ABCC3: variants seen among roughly 807,000 people sequenced by gnomAD.
ABCC3 encodes the protein ATP-binding cassette sub-family C member 3.
In ABCC3, 121 loss-of-function variants were observed where a neutral mutation model predicts 165.3. The observed-to-expected ratio is 0.73, with a 90% CI of 0.63 to 0.85. ABCC3 has a LOEUF of 0.85. Among genes scored for constraint, ABCC3 ranks in the 40% least tolerant of loss-of-function variants. The pLI, the probability that ABCC3 is intolerant of heterozygous loss-of-function variation, is 0.00. For missense variants in ABCC3, 1,869 were observed against 1,964.1 expected (o/e 0.95, Z 0.92); for synonymous variants, 733 against 810.1 (o/e 0.90, Z 1.62).
intron 19 of ABCC3, among the ~76,000 whole-genome samples, chr17:50,673,903 T>TCTTTCTTC (rs1491282967): frequency 2.1e-3 from 20 of 9,518 alleles, no homozygotes; most frequent in African/African-American, 0.011. Flanking sequence ...GAGCCTGTTT[T>TCTTTCTTC]CTTTCTTTCT....
rs201792088 is a variant in ABCC3 at position 50,675,408 on chromosome 17, A to G, written c.2646A>G (p.Thr882=). 2 of 1,614,014 alleles carry G rather than the reference A, an allele frequency of 1.2e-6. No individual in the cohort carries two copies. Among genetic ancestry groups the G allele is most frequent in the Non-Finnish European group, 1.7e-6 (2 of 1,179,968 alleles). The change falls in exon 20 of 31, where the codon ACA becomes ACG. Residue 882 remains threonine (T), a synonymous_variant. Transcript: ENST00000285238. The part of the protein sequence containing the change: ...EDKEALLIED[T]LSNHTDLTDN... ...AGGAGGCACTGCTGATTGAAGACAC[A>G]CTCAGCAACCACACGGATCTGACAG...
chr17:50,635,114 GGAGGGGGCGA>G, intron 1 of ABCC3, 133 bp downstream of exon 1: 1 of 1,024,506 alleles, frequency 9.8e-7, no homozygotes, highest in Non-Finnish European at 1.3e-6. Context: ...TGGGCGCCCG[GGAGGGGGCGA>G]TGGGCTCGGG....
At chr17:50,658,243 C>T in intron 5 of ABCC3, 36 bp downstream of exon 5, 1 of 1,614,032 alleles carries the variant, frequency 6.2e-7, no homozygotes, top group South Asian at 1.1e-5. Flanking sequence ...GGCTCCACAG[C>T]TGAGTCCTCA....
Position 50,669,539 on chromosome 17 carries a change from C to T in ABCC3, c.2241+11C>T, listed in dbSNP as rs999646948. 15 of 1,612,966 alleles carry T rather than the reference C, an allele frequency of 9.3e-6. No individual in the cohort carries two copies. The highest frequency in any genetic ancestry group is 1.2e-5 in the Non-Finnish European group (14 of 1,179,176). ...GAGATTGGAGAGAAGGTACAGAGTC[C>T]TCTTCCATCCCTAAGAGGCTAGGGC... On this transcript the variant is annotated intron_variant, in intron 17 of 30. Transcript: ENST00000285238.
intron 30 of ABCC3, among the ~76,000 whole-genome samples, chr17:50,688,114 T>G (rs1220004866): frequency 6.6e-6 from 1 of 152,052 alleles, no homozygotes; most frequent in Non-Finnish European, 1.5e-5. Flanking sequence ...TTCACCATGT[T>G]GGCCAGGCTG....
chr17:50,646,915 T>G (rs1967011840), intron 1 of ABCC3, among the ~76,000 whole-genome samples: 1 of 152,238 alleles, frequency 6.6e-6, no homozygotes, highest in African/African-American at 2.4e-5. Context: ...AGTCTCCCTC[T>G]GTCACCAGGC....
chr17:50,673,975 T>TCCTTCCTTCCTTCCTTCCTTC (rs1567835544), intron 19 of ABCC3, among the ~76,000 whole-genome samples: 7 of 12,270 alleles, frequency 5.7e-4, no homozygotes, highest in East Asian at 1.6e-3. Flanking sequence ...TTTCTTTCTT[T>TCCTTCCTTCCTTCCTTCCTTC]CTTTCTCTCT....
intron 1 of ABCC3, among the ~76,000 whole-genome samples, chr17:50,643,831 T>G (rs1966935214): frequency 2.1e-5 from 3 of 145,914 alleles, no homozygotes; most frequent in East Asian, 2.0e-4. Context: ...GGAAAGGAGG[T>G]GGGAGGAGAT....
intron 11 of ABCC3, among the ~76,000 whole-genome samples, chr17:50,666,126 A>G (rs1336543939): frequency 6.6e-6 from 1 of 152,084 alleles, no homozygotes; most frequent in Non-Finnish European, 1.5e-5. Flanking sequence ...AATGCTTGTC[A>G]TCCCCCTCTT....
rs181809851 is a variant in ABCC3 at position 50,650,880 on chromosome 17, C to T, written c.46-4952C>T. Among the ~76,000 whole-genome samples the T allele has an allele frequency of 3.9e-5, 6 of 152,014 alleles. No homozygotes were observed. The East Asian group carries it at 7.8e-4, about 20-fold the overall frequency. ...AGAAGTTCAAGACCGGCCTGGCTGACATGCTGAAACCCTGTCTCTATTAAA... is the reference window on the plus strand; with the variant it reads ...AGAAGTTCAAGACCGGCCTGGCTGATATGCTGAAACCCTGTCTCTATTAAA... On this transcript the variant is annotated intron_variant, in intron 1 of 30. Transcript: ENST00000285238.
At chr17:50,655,518 A>G (rs184202680) in intron 1 of ABCC3, among the ~76,000 whole-genome samples, 298 of 152,174 alleles carry the variant, frequency 2.0e-3, no homozygotes, top group African/African-American at 6.3e-3. Flanking sequence ...ACATGGGAGC[A>G]GTTTTGCAGG....
At chr17:50,656,043 G>A (rs1341602940) in intron 2 of ABCC3, 35 bp downstream of exon 2, 17 of 1,452,272 alleles carry the variant, frequency 1.2e-5, no homozygotes, top group Non-Finnish European at 1.5e-5. Flanking sequence ...CGATGGGGCT[G>A]GGCCCTGGGG....
chr17:50,655,410 A>AAAAC (rs1325293001), intron 1 of ABCC3, among the ~76,000 whole-genome samples: 8 of 148,642 alleles, frequency 5.4e-5, no homozygotes, highest in African/African-American at 1.7e-4. Context: ...GTCTCAAAAA[A>AAAAC]AAAAAAAAAA....
chr17:50,673,979 T>TCTTTCCTTCCTTCCTTC (rs1967725299), intron 19 of ABCC3, among the ~76,000 whole-genome samples: 3 of 1,874 alleles, frequency 1.6e-3, no homozygotes, highest in Non-Finnish European at 4.1e-3. Flanking sequence ...TTTCTTTCTT[T>TCTTTCCTTCCTTCCTTC]CTCTCTCTCT....
chr17:50,643,706 G>T (rs1343850271), intron 1 of ABCC3: 17 of 445,614 alleles, frequency 3.8e-5, no homozygotes, highest in Middle Eastern at 3.3e-4. Context: ...GAGTGGTTAG[G>T]TTAGGATTTT....
chr17:50,683,235 G>C (rs1872851525), intron 26 of ABCC3, among the ~76,000 whole-genome samples: 1 of 151,412 alleles, frequency 6.6e-6, no homozygotes, highest in Non-Finnish European at 1.5e-5. Flanking sequence ...GCCAGGCATG[G>C]TGGCATGTGC....
chr17:50,648,881 G>A (rs1017815753), intron 1 of ABCC3, among the ~76,000 whole-genome samples: 3 of 152,146 alleles, frequency 2.0e-5, no homozygotes, highest in Non-Finnish European at 2.9e-5. Flanking sequence ...TTGGGAGGCC[G>A]AGGCAGGCGG....
intron 7 of ABCC3, 112 bp from the exon 8 acceptor site, chr17:50,660,805 GAGAGCC>G (rs3216955): frequency 1.2e-6 from 1 of 839,964 alleles, no homozygotes; most frequent in East Asian, 2.6e-5. Context: ...TCCCAGCTCT[GAGAGCC>G]AAGAAAACAG....
intron 4 of ABCC3, 70 bp downstream of exon 4, chr17:50,657,253 C>A: frequency 1.3e-6 from 2 of 1,570,982 alleles, no homozygotes; most frequent in South Asian, 1.2e-5. Context: ...GGTTCAAAGT[C>A]ACTGCTGGGT....
Sources: allele counts gnomAD v4.1 joint callset (sites outside exome capture counted in the v4.1 genomes callset), GRCh38; gene constraint gnomAD v4.1.1; transcripts MANE v1.5; gene names NCBI Gene and HGNC (gene_info 2026-07-23, HGNC 2026-07-21).